The following BABAM2 variants were observed in gnomAD, a reference collection of about 807,000 sequenced individuals.
The protein encoded by BABAM2 is BRISC and BRCA1 A complex member 2.
In BABAM2, 31 loss-of-function variants were observed where a neutral mutation model predicts 54.7. That is an observed-to-expected ratio of 0.57 (90% confidence interval 0.43 to 0.77). The LOEUF is 0.77. BABAM2 is among the 30% of genes least tolerant of loss of function. BABAM2 has a pLI of 0.00. For missense variants in BABAM2, 364 were observed against 455.8 expected, an observed-to-expected ratio of 0.80 and a Z score of 1.83; for synonymous variants, 167 against 162.9, an observed-to-expected ratio of 1.03 and a Z score of -0.19.
At chr2:28,307,873 C>T (rs949236098) in intron 11 of BABAM2, 1 of 152,078 alleles carries the variant, frequency 6.6e-6, no homozygotes. Context: ...CCATATCCAG[C>T]CTATAGGCAG....
chr2:27,981,928 G>GTTT (rs1672030652), intron 3 of BABAM2, among the ~76,000 whole-genome samples: 1 of 152,104 alleles, frequency 6.6e-6, no homozygotes, highest in South Asian at 2.1e-4. Context: ...TTGAGGAACT[G>GTTT]CCAGACTGTT....
At chr2:27,945,631 A>T (rs934292324) in intron 3 of BABAM2, among the ~76,000 whole-genome samples, 4 of 152,136 alleles carry the variant, frequency 2.6e-5, no homozygotes, top group African/African-American at 7.2e-5. Flanking sequence ...TAACATCTTA[A>T]CACTGAGTCT....
intron 7 of BABAM2, among the ~76,000 whole-genome samples, chr2:28,217,251 C>A (rs1196654590): frequency 1.3e-5 from 2 of 152,130 alleles, no homozygotes; most frequent in Non-Finnish European, 2.9e-5. Context: ...GATTGAATAT[C>A]ATAATGGTCA....
Position 28,272,548 on chromosome 2 carries a change from C to T in BABAM2, c.935-25790C>T, listed in dbSNP as rs187033024. ...GTCAAATGAAGGTGACTTCAGACTT[C>T]TGTGAAGCTCACTTTTGCTCCAAAG... On this transcript the variant is annotated intron_variant, in intron 10 of 11. Coordinates refer to ENST00000379624, the MANE Select transcript of BABAM2 (RefSeq NM_199191.3). 7.9e-5 allele frequency among the ~76,000 whole-genome samples: 12 copies of T among 152,354 alleles called. No individual in the cohort carries two copies. In the East Asian group the frequency reaches 2.3e-3, roughly 29 times the overall value.
chr2:28,112,174 C>CCTTCCTTCCTTCCTT (rs1324563476), intron 6 of BABAM2, among the ~76,000 whole-genome samples: 4 of 54,358 alleles, frequency 7.4e-5, no homozygotes, highest in Admixed American at 2.0e-4. Context: ...TCCCTCCCTC[C>CCTTCCTTCCTTCCTT]CTCCCTCCCT....
At chr2:28,248,695 C>T (rs149152393) in intron 10 of BABAM2, among the ~76,000 whole-genome samples, 92 of 152,238 alleles carry the variant, frequency 6.0e-4, no homozygotes, top group African/African-American at 2.2e-3. Flanking sequence ...GAAGGGGAGA[C>T]AATTGAGTAT....
At chr2:28,060,129 T>C (rs1678743326) in intron 6 of BABAM2, among the ~76,000 whole-genome samples, 1 of 152,136 alleles carries the variant, frequency 6.6e-6, no homozygotes, top group African/African-American at 2.4e-5. Context: ...AAAAGAATGA[T>C]ACATAAAAAG....
At chr2:28,036,337 T>A (rs2148591223) in intron 5 of BABAM2, among the ~76,000 whole-genome samples, 1 of 152,346 alleles carries the variant, frequency 6.6e-6, no homozygotes, top group East Asian at 1.9e-4. Flanking sequence ...TGATGCAAGC[T>A]GTTTCCTTCC....
chr2:28,295,741 C>T (rs1270053178), intron 10 of BABAM2, among the ~76,000 whole-genome samples: 3 of 152,042 alleles, frequency 2.0e-5, no homozygotes, highest in Non-Finnish European at 4.4e-5. Context: ...AGGTAATCTG[C>T]CTGCCTCAGC....
At chr2:28,291,595 CAA>C (rs527427296) in intron 10 of BABAM2, among the ~76,000 whole-genome samples, 2 of 131,440 alleles carry the variant, frequency 1.5e-5, no homozygotes, top group Non-Finnish European at 3.3e-5. Context: ...ACTCCGTCTC[CAA>C]AAAAAAAAAA....
At chr2:28,015,289 G>A (rs1827921) in intron 4 of BABAM2, among the ~76,000 whole-genome samples, 1 of 152,076 alleles carries the variant, frequency 6.6e-6, no homozygotes, top group Admixed American at 6.6e-5. Context: ...GGTAAATAAA[G>A]GTATACAAGG....
intron 7 of BABAM2, among the ~76,000 whole-genome samples, chr2:28,147,653 T>G (rs1671621573): frequency 3.9e-5 from 6 of 152,064 alleles, no homozygotes; most frequent in Admixed American, 3.9e-4. Context: ...TTTTGTATTT[T>G]TAATAGAGAC....
intron 3 of BABAM2, among the ~76,000 whole-genome samples, chr2:27,985,888 A>G (rs1672362654): frequency 6.6e-6 from 1 of 152,180 alleles, no homozygotes; most frequent in African/African-American, 2.4e-5. Context: ...ATATAAGACT[A>G]CTTACAACTA....
chr2:28,308,360 G>A (rs1410219833), intron 11 of BABAM2: 1 of 486,438 alleles, frequency 2.1e-6, no homozygotes, highest in East Asian at 5.3e-5. Flanking sequence ...GCACTCCCAG[G>A]AGAAACAAGC....
chr2:28,059,181 A>G (rs936157215), intron 6 of BABAM2, among the ~76,000 whole-genome samples: 2 of 152,218 alleles, frequency 1.3e-5, no homozygotes, highest in Non-Finnish European at 2.9e-5. Context: ...ATACAGAACT[A>G]GAAGAGAGGG....
intron 7 of BABAM2, among the ~76,000 whole-genome samples, chr2:28,198,493 C>T (rs1677880873): frequency 6.6e-6 from 1 of 151,908 alleles, no homozygotes; most frequent in African/African-American, 2.4e-5. Flanking sequence ...AATTTGCAGC[C>T]TGGATTTACA....
At chr2:28,221,870 C>A (rs374750422) in intron 7 of BABAM2, among the ~76,000 whole-genome samples, 1 of 152,314 alleles carries the variant, frequency 6.6e-6, no homozygotes, top group Non-Finnish European at 1.5e-5. Flanking sequence ...AGCATGCCTG[C>A]AGCTTAACAG....
chr2:28,226,201 G>A (rs1179465399), intron 7 of BABAM2, among the ~76,000 whole-genome samples: 2 of 152,170 alleles, frequency 1.3e-5, no homozygotes, highest in Middle Eastern at 3.2e-3. Flanking sequence ...GGAGAGCTAA[G>A]TAGCTGCAAT....
chr2:28,176,519 G>A (rs544025684), intron 7 of BABAM2, among the ~76,000 whole-genome samples: 8 of 117,412 alleles, frequency 6.8e-5, no homozygotes, highest in Non-Finnish European at 6.5e-5. Flanking sequence ...GCAGTGAGCC[G>A]AGATTGCACC....
Sources: gnomAD v4.1 joint callset for allele counts (sites outside exome capture counted in the v4.1 genomes callset) on GRCh38, gnomAD v4.1.1 for gene constraint, MANE v1.5 for transcripts, NCBI Gene and HGNC (gene_info 2026-07-23, HGNC 2026-07-21) for gene names.